Variants in CD99 observed in about 807,000 individuals in gnomAD.
CD99 encodes the protein CD99 molecule (Xg blood group).
In CD99, 19 loss-of-function variants were observed where a neutral mutation model predicts 28.4. The ratio of observed to expected loss-of-function variants is 0.67; its 90% CI spans 0.47 to 0.98. CD99 has a LOEUF of 0.98. CD99 is among the 50% of genes least tolerant of loss of function. CD99 has a pLI of 0.00. For synonymous variants in CD99, 103 were observed against 92.1 expected, an observed-to-expected ratio of 1.12 and a Z score of -0.67; for missense variants, 283 against 248.8, an observed-to-expected ratio of 1.14 and a Z score of -0.92.
rs1162522739 is a variant in CD99, at chrX:2,733,232, T to C, written c.476-4968T>C. 5.0e-6 allele frequency: 5 copies of C among 1,006,434 alleles called. No individual in the cohort carries two copies. The East Asian group carries it at 1.3e-4, about 26-fold the overall frequency. The allele number at this position is 1,006,434 out of a possible 1,614,324, so 62.3% of individuals were successfully genotyped here. On this transcript the variant is annotated intron_variant, in intron 8 of 9. Coordinates refer to ENST00000381192, the MANE Select transcript of CD99 (RefSeq NM_002414.5). ...TTGAGCCTCTATCCCATTACTTCCT[T>C]GCTCAGAGCAGCTCTTTCTAACACC... is the stretch of plus-strand genomic sequence containing the variant.
At chrX:2,738,798 G>A (rs2050069774) in intron 9 of CD99, among the ~76,000 whole-genome samples, 1 of 151,706 alleles carries the variant, frequency 6.6e-6, no homozygotes, top group Admixed American at 6.6e-5. Context: ...GTGTGCACTG[G>A]GAATTAAAAG....
chrX:2,729,202 A>G lies in CD99; in HGVS notation c.475+2829A>G, dbSNP rs772494440. On this transcript the variant is annotated intron_variant, in intron 8 of 9. Transcript: ENST00000381192. ...TAAACTACAAAGTCTCTGATTGATG[A>G]TTCTCTGAAAATCTTTAGGTCAACC... Among the ~76,000 whole-genome samples the G allele has an allele frequency of 1.1e-4, 17 of 152,320 alleles. No individual in the cohort carries two copies. The South Asian group carries it at 1.4e-3, about 13-fold the overall frequency.
At chrX:2,691,956 G>A (rs1409628789) in intron 1 of CD99, 1 of 777,656 alleles carries the variant, frequency 1.3e-6, no homozygotes, top group East Asian at 2.4e-5. Context: ...CCCTGAAAAT[G>A]TTCAAAAATA....
chrX:2,727,720 A>G (rs981210597), intron 8 of CD99, among the ~76,000 whole-genome samples: 17 of 151,900 alleles, frequency 1.1e-4, no homozygotes, highest in Admixed American at 9.8e-4. Flanking sequence ...CAAGTGATCC[A>G]CCCGCCTCGG....
intron 1 of CD99, chrX:2,692,167 C>T (rs1229852826): frequency 9.6e-6 from 5 of 523,056 alleles, no homozygotes; most frequent in South Asian, 7.9e-5. Context: ...TTACTTTAAT[C>T]ATGTTTTTCT....
chrX:2,722,547 G>A, intron 5 of CD99, 80 bp from the exon 6 acceptor site: 1 of 1,280,940 alleles, frequency 7.8e-7, no homozygotes, highest in Non-Finnish European at 1.1e-6. Context: ...CGGTTTTCAT[G>A]AGTTTTTCCT....
intron 1 of CD99, among the ~76,000 whole-genome samples, chrX:2,694,151 C>G (rs1275526081): frequency 6.6e-6 from 1 of 152,190 alleles, no homozygotes; most frequent in African/African-American, 2.4e-5. Flanking sequence ...GCCCCACCCC[C>G]CGGGGCAACG....
chrX:2,735,629 CCT>C (rs2049892652), intron 8 of CD99, among the ~76,000 whole-genome samples: 1 of 152,120 alleles, frequency 6.6e-6, no homozygotes, highest in Non-Finnish European at 1.5e-5. Context: ...AATTATTTGT[CCT>C]CTGAAATGAA....
intron 1 of CD99, among the ~76,000 whole-genome samples, chrX:2,707,568 C>T (rs768104936): frequency 2.6e-5 from 4 of 152,288 alleles, no homozygotes; most frequent in African/African-American, 9.6e-5. Flanking sequence ...AGTGTCTTGT[C>T]AGACTGACTC....
At position 2,726,760 on chromosome X, in the gene CD99, T is replaced by C. The variant is rs773017039; in HGVS notation, c.475+387T>C. ...AGCTCTGATCATTCCTGCCCTGTTA[T>C]TTACAACCGATGTCATCATCAGGAG... On this transcript the variant is annotated intron_variant, in intron 8 of 9. Transcript: ENST00000381192. Among the ~76,000 whole-genome samples, 5 of 152,250 alleles carry C rather than the reference T, an allele frequency of 3.3e-5. No individual in the cohort carries two copies. The South Asian group carries it at 1.0e-3, about 32-fold the overall frequency.
Position 2,720,233 on chromosome X carries a change from A to G in CD99, c.194-123A>G, listed in dbSNP as rs1314809051. The G allele has an allele frequency of 3.7e-6, 3 of 800,244 alleles. No homozygotes were observed. The African/African-American group carries it at 5.1e-5, about 14-fold the overall frequency. The allele number at this position is 800,244 out of a possible 1,614,324, so 49.6% of individuals were successfully genotyped here. ...GGCAGGAGACTGTGTGTGTACAGGT[A>G]TCCCCACCAGGACAAAGGCCAAGGT... On this transcript the variant is annotated intron_variant, in intron 4 of 9. Transcript: ENST00000381192.
chrX:2,720,698 CACTGCA>C (rs2124087860), intron 5 of CD99, among the ~76,000 whole-genome samples: 1 of 134,294 alleles, frequency 7.4e-6, no homozygotes, highest in Non-Finnish European at 1.5e-5. Flanking sequence ...CATCTTGGCT[CACTGCA>C]ACCTCCACCT....
At chrX:2,691,907 T>TG (rs746760035) in intron 1 of CD99, 5 of 778,814 alleles carry the variant, frequency 6.4e-6, no homozygotes, top group African/African-American at 1.7e-5. Context: ...ACCCGGGTGG[T>TG]GGGGGGAAGG....
At chrX:2,726,483 T>C in intron 8 of CD99, 110 bp downstream of exon 8, 1 of 751,142 alleles carries the variant, frequency 1.3e-6, no homozygotes. Flanking sequence ...AGGTGCACGA[T>C]GGCTGATGGT....
At chrX:2,706,076 A>AAG (rs1309645889) in intron 1 of CD99, among the ~76,000 whole-genome samples, 1 of 151,122 alleles carries the variant, frequency 6.6e-6, no homozygotes, top group African/African-American at 2.4e-5. Context: ...AAAAAAAAAA[A>AAG]GAGCCGGGCG....
At chrX:2,729,445 A>G (rs902230574) in intron 8 of CD99, among the ~76,000 whole-genome samples, 3 of 152,006 alleles carry the variant, frequency 2.0e-5, no homozygotes, top group East Asian at 1.9e-4. Context: ...AAACTTAACA[A>G]TCATGGCAGA....
intron 3 of CD99, chrX:2,719,296 T>C: frequency 7.6e-6 from 2 of 262,204 alleles, no homozygotes; most frequent in South Asian, 1.3e-4. Flanking sequence ...GATGATGGGA[T>C]GGGGAGTCAA....
chrX:2,739,328 T>C (rs1315529681), intron 9 of CD99, among the ~76,000 whole-genome samples: 1 of 152,240 alleles, frequency 6.6e-6, no homozygotes, highest in African/African-American at 2.4e-5. Flanking sequence ...TATGTGCGTG[T>C]ATTTTTTTAT....
chrX:2,740,523 C>T lies in CD99; in HGVS notation c.533-256C>T, dbSNP rs28668158. On this transcript the variant is annotated intron_variant, in intron 9 of 9. Transcript: ENST00000381192. ...TAGGCATTTGTTAGTGTCTCTGTGA[C>T]GTCGTTAGTGGAAATTGCCTTCTGC... Among the ~76,000 whole-genome samples, 978 of 152,078 alleles carry T rather than the reference C, an allele frequency of 6.4e-3. 14 individuals are homozygous for T. Among genetic ancestry groups the T allele is most frequent in the African/African-American group, 0.022 (922 of 41,458 alleles).
Sources: allele counts gnomAD v4.1 joint callset (sites outside exome capture counted in the v4.1 genomes callset), GRCh38; gene constraint gnomAD v4.1.1; transcripts MANE v1.5; gene names NCBI Gene and HGNC (gene_info 2026-07-23, HGNC 2026-07-21).